SDK1: variants seen among roughly 807,000 people sequenced by gnomAD.
The protein encoded by SDK1 is protein sidekick-1.
In SDK1, 157 loss-of-function variants were observed where a neutral mutation model predicts 245.5. The ratio of observed to expected loss-of-function variants is 0.64; its 90% confidence interval spans 0.56 to 0.73. The LOEUF is 0.73. Ranked by LOEUF, SDK1 falls within the 30% of genes least tolerant of loss-of-function variation. The pLI is 0.00. For missense variants in SDK1, 3,583 were observed against 3,002.3 expected (o/e 1.19, Z -4.52); for synonymous variants, 1,647 against 1,278.5 (o/e 1.29, Z -6.15).
At chr7:3,977,646 A>G (rs1486633134) in intron 13 of SDK1, among the ~76,000 whole-genome samples, 2 of 152,232 alleles carry the variant, frequency 1.3e-5, no homozygotes, top group Non-Finnish European at 1.5e-5. Context: ...CCTGCGGTTC[A>G]GTTACCAGGA....
intron 1 of SDK1, among the ~76,000 whole-genome samples, chr7:3,600,316 G>T (rs2128638477): frequency 6.6e-6 from 1 of 152,278 alleles, no homozygotes; most frequent in Middle Eastern, 3.4e-3. Flanking sequence ...CTGTGTGAGT[G>T]TGAGTGTTTA....
In SDK1 at chr7:4,046,956, C is replaced by T. The variant is rs1356452455; in HGVS notation, c.2603-2392C>T. ...AGAATTGACCTCTTTACTGTGTTTT[C>T]TTCCAATGCACCCATGTGATATGAT... On this transcript the variant is annotated intron_variant, in intron 17 of 44. Coordinates refer to ENST00000404826, the MANE Select transcript of SDK1 (RefSeq NM_152744.4). Among the ~76,000 whole-genome samples, 3 of 152,096 alleles carry T rather than the reference C, an allele frequency of 2.0e-5. No homozygotes were observed. In the East Asian group the frequency reaches 5.8e-4, roughly 29 times the overall value.
chr7:4,079,890 T>C (rs569262358), intron 22 of SDK1, among the ~76,000 whole-genome samples: 1 of 152,364 alleles, frequency 6.6e-6, no homozygotes, highest in Admixed American at 6.5e-5. Flanking sequence ...AAAAATTCTA[T>C]ATCACAATTA....
chr7:4,056,513 C>T (rs1583969279), intron 19 of SDK1, among the ~76,000 whole-genome samples: 2 of 152,262 alleles, frequency 1.3e-5, no homozygotes, highest in East Asian at 3.9e-4. Context: ...AGTGCAGCAG[C>T]TCCTCCGGGA....
At chr7:3,437,396 A>AGT (rs1390407637) in intron 1 of SDK1, among the ~76,000 whole-genome samples, 1 of 152,200 alleles carries the variant, frequency 6.6e-6, no homozygotes, top group Non-Finnish European at 1.5e-5. Flanking sequence ...AATGTTTTGC[A>AGT]GTGTGTAGAG....
intron 1 of SDK1, among the ~76,000 whole-genome samples, chr7:3,433,240 G>C (rs1201965087): frequency 6.6e-6 from 1 of 152,114 alleles, no homozygotes; most frequent in Non-Finnish European, 1.5e-5. Flanking sequence ...CAACCCTCTA[G>C]TTTCAACCAG....
chr7:4,206,715 A>G (rs139944631), intron 36 of SDK1, among the ~76,000 whole-genome samples: 2,006 of 152,268 alleles, frequency 0.013, 23 homozygotes, highest in Non-Finnish European at 0.021. Flanking sequence ...TACAGGGCCC[A>G]TAAGCATCCG....
chr7:3,808,814 C>A (rs1271602872), intron 4 of SDK1, among the ~76,000 whole-genome samples: 1 of 152,068 alleles, frequency 6.6e-6, no homozygotes, highest in Middle Eastern at 3.2e-3. Context: ...GTTGTTTACA[C>A]ACAAATGCCA....
Position 4,149,277 on chromosome 7 carries a change from C to G in SDK1, c.4439C>G (p.Pro1480Arg), listed in dbSNP as rs770812300. ...TTEKRERPAPPRELLVPQAEV... is the reference protein window; with the variant it reads ...TTEKRERPAPRRELLVPQAEV... ...TTGGTTGCAGAGCGGCCGGCACCCCCCAGAGAGCTCCTGGTGCCCCAGGCA... is the reference window on the plus strand; with the variant it reads ...TTGGTTGCAGAGCGGCCGGCACCCCGCAGAGAGCTCCTGGTGCCCCAGGCA... Residue 1480 changes from proline to arginine, a missense_variant, in exon 30 of 45, where the codon CCC becomes CGC. By Grantham distance (103) the Pro-to-Arg change is moderately radical (BLOSUM62 -2). Transcript: ENST00000404826. The G allele has an allele frequency of 1.3e-6, 2 of 1,542,500 alleles. No homozygotes were observed. Among genetic ancestry groups the G allele is most frequent in the Non-Finnish European group, 1.7e-6 (2 of 1,144,688 alleles).
At chr7:3,667,375 T>G (rs112538564) in intron 4 of SDK1, among the ~76,000 whole-genome samples, 394 of 152,314 alleles carry the variant, frequency 2.6e-3, no homozygotes, top group African/African-American at 9.1e-3. Context: ...GTCAATGAGT[T>G]TATCATGGAA....
chr7:3,974,197 A>AAG (rs1554294768), intron 12 of SDK1, among the ~76,000 whole-genome samples, 172 bp from the exon 13 acceptor site: 35 of 151,740 alleles, frequency 2.3e-4, no homozygotes, highest in Non-Finnish European at 3.8e-4. Context: ...AAAAAAAAAA[A>AAG]AAAGAAAGAA....
At chr7:4,057,576 C>A (rs1286270793) in intron 19 of SDK1, among the ~76,000 whole-genome samples, 1 of 151,896 alleles carries the variant, frequency 6.6e-6, no homozygotes, top group Non-Finnish European at 1.5e-5. Context: ...GCTTGGCCCC[C>A]TGCAGCCATT....
At chr7:4,236,289 G>A (rs991726162) in intron 41 of SDK1, among the ~76,000 whole-genome samples, 2 of 152,174 alleles carry the variant, frequency 1.3e-5, no homozygotes, top group African/African-American at 4.8e-5. Context: ...GCCCTGAATG[G>A]GACGCCGGGA....
At chr7:4,021,488 CAG>C (rs972819845) in intron 17 of SDK1, among the ~76,000 whole-genome samples, 34 of 152,162 alleles carry the variant, frequency 2.2e-4, no homozygotes, top group African/African-American at 8.0e-4. Flanking sequence ...TTTCTCACAT[CAG>C]GGGGTTGGGC....
intron 16 of SDK1, among the ~76,000 whole-genome samples, chr7:4,015,540 T>C (rs1786326123): frequency 6.6e-6 from 1 of 152,188 alleles, no homozygotes; most frequent in South Asian, 2.1e-4. Context: ...ATGCCAAGCC[T>C]TTCTCCCAGT....
rs545171879 is a variant in SDK1 at position 4,169,300 on chromosome 7, G to A, written c.4801-4922G>A. Among the ~76,000 whole-genome samples, 167 of 152,310 alleles carry A rather than the reference G, an allele frequency of 1.1e-3. 1 individual carries two copies. The Middle Eastern group carries it at 0.014, about 12-fold the overall frequency. On this transcript the variant is annotated intron_variant, in intron 32 of 44. Coordinates refer to ENST00000404826, the MANE Select transcript of SDK1 (RefSeq NM_152744.4). ...AGCCCACCCAAGTGGGGAATGACCC[G>A]GCACTTGGGCTAGTCCTGGCTCAGG... is the stretch of plus-strand genomic sequence containing the variant.
chr7:3,425,665 G>A (rs1035373230), intron 1 of SDK1, among the ~76,000 whole-genome samples: 2 of 152,142 alleles, frequency 1.3e-5, no homozygotes, highest in Non-Finnish European at 2.9e-5. Flanking sequence ...TGATAGAAAT[G>A]TATTTGTTTA....
chr7:4,110,641 C>G (rs1169206471), intron 22 of SDK1, 22 bp from the exon 23 acceptor site: 2 of 1,542,320 alleles, frequency 1.3e-6, no homozygotes, highest in Non-Finnish European at 1.8e-6. Context: ...TCCAGCCCAT[C>G]TCAGTGTCTC....
At chr7:3,876,013 G>T (rs62437957) in intron 5 of SDK1, among the ~76,000 whole-genome samples, 1 of 152,100 alleles carries the variant, frequency 6.6e-6, no homozygotes, top group Non-Finnish European at 1.5e-5. Flanking sequence ...AGTTTTGCTT[G>T]GTAGCCTCTT....
Sources: gnomAD v4.1 joint callset for allele counts (sites outside exome capture counted in the v4.1 genomes callset) on GRCh38, gnomAD v4.1.1 for gene constraint, MANE v1.5 for transcripts, NCBI Gene and HGNC (gene_info 2026-07-23, HGNC 2026-07-21) for gene names.